DPP6: variants seen among roughly 807,000 people sequenced by gnomAD.
The protein encoded by DPP6 is A-type potassium channel modulatory protein DPP6.
Under a neutral mutation model 122.6 loss-of-function variants are expected in DPP6, and 69 were observed. That is an observed-to-expected ratio of 0.56 (90% confidence interval 0.46 to 0.69). DPP6 has a LOEUF of 0.69. Ranked by LOEUF, DPP6 falls within the 30% of genes least tolerant of loss-of-function variation. The pLI is 0.00. For synonymous variants in DPP6, 418 were observed against 433.1 expected (o/e 0.97, Z 0.43); for missense variants, 928 against 1,116.9 (o/e 0.83, Z 2.41).
intron 1 of DPP6, among the ~76,000 whole-genome samples, chr7:154,410,865 CAT>C (rs979379817): frequency 3.3e-5 from 5 of 152,152 alleles, no homozygotes; most frequent in African/African-American, 9.7e-5. Context: ...CATGGAAAAA[CAT>C]ATTGATTGTT....
chr7:154,029,811 A>T (rs1046857151), intron 1 of DPP6, among the ~76,000 whole-genome samples: 2 of 151,238 alleles, frequency 1.3e-5, no homozygotes, highest in African/African-American at 4.9e-5. Context: ...ACGCCACTAC[A>T]CTCCAACCTG....
In DPP6 at chr7:154,846,306, C is replaced by T. The variant is rs1474142688; in HGVS notation, c.1667-7474C>T. Among the ~76,000 whole-genome samples, 32 of 151,980 alleles carry T rather than the reference C, an allele frequency of 2.1e-4. 1 individual carries two copies. The highest frequency in any genetic ancestry group is 1.9e-3 in the Admixed American group (29 of 15,256). On this transcript the variant is annotated intron_variant, in intron 16 of 25. Transcript: ENST00000377770. ...ACATTTATATTCTTTTCTCCCCCTT[C>T]ATCGTGCATTTCTGCAAGCCCCCCT...
At chr7:154,655,877 A>C (rs540370911) in intron 6 of DPP6, among the ~76,000 whole-genome samples, 34 of 152,314 alleles carry the variant, frequency 2.2e-4, no homozygotes, top group African/African-American at 7.5e-4. Flanking sequence ...ATCTTCACGC[A>C]GACACTGGTC....
chr7:154,172,145 C>T (rs1174389825), intron 1 of DPP6, among the ~76,000 whole-genome samples: 1 of 120,200 alleles, frequency 8.3e-6, no homozygotes, highest in Middle Eastern at 3.9e-3. Context: ...TTCCTTCCTT[C>T]TTCCCTGCCT....
intron 4 of DPP6, among the ~76,000 whole-genome samples, chr7:154,542,216 C>G (rs1828784826): frequency 6.6e-6 from 1 of 151,956 alleles, no homozygotes; most frequent in African/African-American, 2.4e-5. Flanking sequence ...CAAAGTAGGA[C>G]CTAGGACAAA....
At chr7:153,765,428 G>A in the DPP6 span, among the ~76,000 whole-genome samples, 100 of 152,104 alleles carry the variant, frequency 6.6e-4, no homozygotes, top group African/African-American at 2.3e-3. Flanking sequence ...TGTAATCCCT[G>A]CTACTTGGAA....
chr7:154,814,106 C>G (rs1799263539), intron 16 of DPP6, among the ~76,000 whole-genome samples: 1 of 151,286 alleles, frequency 6.6e-6, no homozygotes, highest in East Asian at 1.9e-4. Context: ...GTCTTGAGCT[C>G]TTGACCTCAG....
At chr7:154,432,875 T>C (rs1462164437) in intron 1 of DPP6, among the ~76,000 whole-genome samples, 1 of 152,172 alleles carries the variant, frequency 6.6e-6, no homozygotes, top group Non-Finnish European at 1.5e-5. Flanking sequence ...TGCCCTCATA[T>C]AATGTGTACT....
chr7:154,204,083 A>G (rs1316467231), intron 1 of DPP6, among the ~76,000 whole-genome samples: 1 of 152,156 alleles, frequency 6.6e-6, no homozygotes, highest in African/African-American at 2.4e-5. Flanking sequence ...GCTTCCTCTT[A>G]CGTGCATTTA....
chr7:154,109,623 A>C (rs1806424181), intron 1 of DPP6, among the ~76,000 whole-genome samples: 1 of 152,238 alleles, frequency 6.6e-6, no homozygotes, highest in Admixed American at 6.5e-5. Flanking sequence ...AAAAATAATA[A>C]TAGTTTTTTT....
At chr7:154,378,205 A>G (rs1191548405) in intron 1 of DPP6, among the ~76,000 whole-genome samples, 1 of 152,206 alleles carries the variant, frequency 6.6e-6, no homozygotes, top group African/African-American at 2.4e-5. Flanking sequence ...GAGAGTTTAT[A>G]CATCATTTTT....
chr7:153,812,212 G>A, the DPP6 span, among the ~76,000 whole-genome samples: 11 of 151,982 alleles, frequency 7.2e-5, no homozygotes, highest in Non-Finnish European at 1.0e-4. Flanking sequence ...ACCCTCTCTC[G>A]TGCATTTCCA....
At chr7:154,869,409 G>A (rs1441213991) in intron 18 of DPP6, among the ~76,000 whole-genome samples, 4 of 152,264 alleles carry the variant, frequency 2.6e-5, no homozygotes, top group East Asian at 1.9e-4. Context: ...TAAATAGCAC[G>A]AGAATTCAGA....
intron 6 of DPP6, among the ~76,000 whole-genome samples, chr7:154,668,786 G>T (rs1341088596): frequency 2.0e-5 from 3 of 152,036 alleles, no homozygotes; most frequent in South Asian, 2.1e-4. Context: ...TGTTGTGGTG[G>T]TATTGGTATT....
chr7:154,308,653 G>A lies in DPP6; in HGVS notation c.244-137561G>A, dbSNP rs117549318. Among the ~76,000 whole-genome samples the A allele has an allele frequency of 3.1e-4, 47 of 152,298 alleles. No individual in the cohort carries two copies. The East Asian group carries it at 7.3e-3, about 24-fold the overall frequency. ...GTGAGGGACCCAGAAAAAACACTGA[G>A]GCAAGTCTGGCTTAAATTTACTATA... On this transcript the variant is annotated intron_variant, in intron 1 of 25. Coordinates refer to ENST00000377770, the MANE Select transcript of DPP6 (RefSeq NM_130797.4).
At chr7:154,376,897 T>C (rs1813175077) in intron 1 of DPP6, among the ~76,000 whole-genome samples, 1 of 152,240 alleles carries the variant, frequency 6.6e-6, no homozygotes, top group Admixed American at 6.5e-5. Context: ...AGAAATCATA[T>C]AGTTTCCCAG....
intron 7 of DPP6, among the ~76,000 whole-genome samples, chr7:154,678,276 G>T (rs1586872232): frequency 6.6e-6 from 1 of 152,232 alleles, no homozygotes; most frequent in South Asian, 2.1e-4. Flanking sequence ...CCACGTGGAA[G>T]CTGTGTTCTT....
chr7:154,810,597 A>G (rs541528778), intron 16 of DPP6, among the ~76,000 whole-genome samples: 1 of 152,318 alleles, frequency 6.6e-6, no homozygotes, highest in Non-Finnish European at 1.5e-5. Flanking sequence ...ATGACTCCAT[A>G]GTTGATACCT....
chr7:153,925,484 G>A (rs148767884), intron 1 of DPP6, among the ~76,000 whole-genome samples: 1 of 151,982 alleles, frequency 6.6e-6, no homozygotes, highest in East Asian at 1.9e-4. Context: ...CTGCATGATC[G>A]AGGGTCCCTG....
Sources: gnomAD v4.1 joint callset for allele counts (sites outside exome capture counted in the v4.1 genomes callset) on GRCh38, gnomAD v4.1.1 for gene constraint, MANE v1.5 for transcripts, NCBI Gene and HGNC (gene_info 2026-07-23, HGNC 2026-07-21) for gene names.